RABGEF1: variants seen among roughly 807,000 people sequenced by gnomAD.
The protein encoded by RABGEF1 is rab5 GDP/GTP exchange factor.
In RABGEF1, 26 loss-of-function variants were observed where a neutral mutation model predicts 57.3. The observed-to-expected ratio is 0.45, with a 90% CI of 0.33 to 0.63. The LOEUF is 0.63. RABGEF1 is among the 20% of genes least tolerant of loss of function. The probability of loss-of-function intolerance (pLI) is 0.02; values close to 1 mark genes in which losing one functional copy is unlikely to be tolerated. For missense variants in RABGEF1, 464 were observed against 607.6 expected, an observed-to-expected ratio of 0.76 and a Z score of 2.48; for synonymous variants, 185 against 210.7, an observed-to-expected ratio of 0.88 and a Z score of 1.06.
At chr7:66,666,922 A>G in the RABGEF1 span, among the ~76,000 whole-genome samples, 1,190 of 152,290 alleles carry the variant, frequency 7.8e-3, 16 homozygotes, top group African/African-American at 0.026. Context: ...CCACCACAGT[A>G]GGGAGCTGGC....
chr7:66,695,928 C>T (rs1057424180), intron 1 of RABGEF1, among the ~76,000 whole-genome samples: 13 of 151,138 alleles, frequency 8.6e-5, no homozygotes, highest in Admixed American at 7.3e-4. Flanking sequence ...ATCGCACCAC[C>T]GTACTTCAGC....
At chr7:66,657,109 A>G in the RABGEF1 span, among the ~76,000 whole-genome samples, 1 of 152,232 alleles carries the variant, frequency 6.6e-6, no homozygotes, top group Admixed American at 6.5e-5. Context: ...GATCAATAGG[A>G]AAGAGAGCAC....
chr7:66,671,971 C>T, the RABGEF1 span, among the ~76,000 whole-genome samples: 1 of 151,942 alleles, frequency 6.6e-6, no homozygotes, highest in Admixed American at 6.6e-5. Flanking sequence ...TGCACACCAC[C>T]ACGCCTGGCT....
intron 2 of RABGEF1, among the ~76,000 whole-genome samples, chr7:66,712,948 G>A (rs1286328460): frequency 6.6e-6 from 1 of 151,670 alleles, no homozygotes; most frequent in African/African-American, 2.4e-5. Flanking sequence ...CCAAATAGCT[G>A]GGACTACAGG....
intron 3 of RABGEF1, among the ~76,000 whole-genome samples, chr7:66,779,702 G>A (rs1809417376): frequency 1.3e-5 from 2 of 150,970 alleles, no homozygotes; most frequent in Admixed American, 6.6e-5. Flanking sequence ...AAAAACACAA[G>A]GTGACTTTTA....
chr7:66,671,363 C>T, the RABGEF1 span, among the ~76,000 whole-genome samples: 2 of 150,990 alleles, frequency 1.3e-5, no homozygotes, highest in Non-Finnish European at 3.0e-5. Flanking sequence ...CAATATGAGA[C>T]CAGGAAGTTG....
upstream of RABGEF1, among the ~76,000 whole-genome samples, chr7:66,680,251 A>AT (rs112207793): frequency 3.0e-3 from 436 of 143,940 alleles, 1 homozygote; most frequent in African/African-American, 7.7e-3. Flanking sequence ...TTGTTTTCTC[A>AT]TTTTTTTTTT....
Position 66,809,138 on chromosome 7 carries a change from G to A in RABGEF1, c.1330G>A (p.Gly444Arg), listed in dbSNP as rs1789123232. ...AAAAGACCTCATAGATTGGACAGAT[G>A]GAATTGCAAGAGAAGTTCAAGACAT... ...LEKDLIDWTD[G>R]IAREVQDIVE... The change falls in exon 9 of 9, where the codon GGA (glycine) becomes AGA (arginine). Residue 444 changes from glycine to arginine, a missense_variant. This residue lies in a region of RABGEF1 where 151 missense variants were observed against 152.2 expected (regional missense o/e 0.99). Coordinates refer to ENST00000284957, the MANE Select transcript of RABGEF1 (RefSeq NM_014504.3). 7 of 1,614,048 alleles carry A rather than the reference G, an allele frequency of 4.3e-6. No homozygotes were observed. Among genetic ancestry groups the A allele is most frequent in the Non-Finnish European group, 5.9e-6 (7 of 1,180,048 alleles).
chr7:66,736,403 G>A (rs1797949641), upstream of RABGEF1, among the ~76,000 whole-genome samples: 1 of 152,180 alleles, frequency 6.6e-6, no homozygotes, highest in Non-Finnish European at 1.5e-5. Flanking sequence ...ACCACTATAT[G>A]GGGCCATTTA....
chr7:66,681,916 T>C (rs1342267666), upstream of RABGEF1, among the ~76,000 whole-genome samples: 1 of 152,048 alleles, frequency 6.6e-6, no homozygotes, highest in Non-Finnish European at 1.5e-5. Context: ...CTAGGAAACG[T>C]TGGTTTCTCC....
At chr7:66,722,053 C>T (rs1322169846) in intron 2 of RABGEF1, among the ~76,000 whole-genome samples, 1 of 152,052 alleles carries the variant, frequency 6.6e-6, no homozygotes, top group African/African-American at 2.4e-5. Flanking sequence ...TGATGATGTC[C>T]CAGCTAGGCA....
intron 2 of RABGEF1, among the ~76,000 whole-genome samples, chr7:66,733,653 G>A (rs770626833): frequency 8.6e-5 from 13 of 151,554 alleles, no homozygotes; most frequent in Non-Finnish European, 1.9e-4. Flanking sequence ...AGCCAAGATC[G>A]TGCCACTGCA....
intron 1 of RABGEF1, among the ~76,000 whole-genome samples, chr7:66,683,020 G>A (rs1161890701): frequency 2.6e-5 from 4 of 152,190 alleles, no homozygotes; most frequent in East Asian, 3.9e-4. Context: ...GCGTCCGTGG[G>A]CTCGTTTTGC....
chr7:66,717,884 A>C (rs1288848686), intron 2 of RABGEF1, among the ~76,000 whole-genome samples: 1 of 152,162 alleles, frequency 6.6e-6, no homozygotes, highest in Non-Finnish European at 1.5e-5. Flanking sequence ...CAAGTCTACT[A>C]GCTCTTTCTT....
At chr7:66,776,120 C>T (rs146807338) in intron 3 of RABGEF1, among the ~76,000 whole-genome samples, 1 of 152,088 alleles carries the variant, frequency 6.6e-6, no homozygotes, top group African/African-American at 2.4e-5. Context: ...TATGTTGGTA[C>T]TCAGAGTTAT....
At chr7:66,665,890 G>A in the RABGEF1 span, among the ~76,000 whole-genome samples, 26 of 152,318 alleles carry the variant, frequency 1.7e-4, no homozygotes, top group Admixed American at 3.3e-4. Context: ...CCGGTGTGAT[G>A]AGCACTAGTA....
At chr7:66,722,852 C>A (rs1204153686) in intron 2 of RABGEF1, among the ~76,000 whole-genome samples, 2 of 152,200 alleles carry the variant, frequency 1.3e-5, no homozygotes, top group Non-Finnish European at 2.9e-5. Context: ...AAGGATTACA[C>A]TGAATCTGTA....
chr7:66,684,037 T>C (rs1167771679), intron 1 of RABGEF1, among the ~76,000 whole-genome samples: 1 of 152,120 alleles, frequency 6.6e-6, no homozygotes. Flanking sequence ...CTCCCGAGCC[T>C]GGAGGGTGGT....
intron 2 of RABGEF1, among the ~76,000 whole-genome samples, chr7:66,733,954 G>T (rs2117686058): frequency 6.6e-6 from 1 of 152,170 alleles, no homozygotes; most frequent in East Asian, 1.9e-4. Flanking sequence ...GCAGTGAGCT[G>T]AGATTGTGCC....
Sources: allele counts gnomAD v4.1 joint callset (sites outside exome capture counted in the v4.1 genomes callset), GRCh38; gene constraint gnomAD v4.1.1; regional missense constraint gnomAD v4.1.1; transcripts MANE v1.5; gene names NCBI Gene and HGNC (gene_info 2026-07-23, HGNC 2026-07-21).